Variants in IPO5 observed in about 807,000 individuals in gnomAD.
IPO5 encodes the protein importin-5.
IPO5 carries 18 observed loss-of-function variants against 143.3 expected under a neutral mutation model. The ratio of observed to expected loss-of-function variants is 0.13; its 90% confidence interval spans 0.09 to 0.19. IPO5 has a LOEUF of 0.19. Ranked by LOEUF, IPO5 falls within the 10% of genes least tolerant of loss-of-function variation. The probability of loss-of-function intolerance (pLI) is 1.00; values close to 1 mark genes in which losing one functional copy is unlikely to be tolerated. For synonymous variants in IPO5, 477 were observed against 465.7 expected, an observed-to-expected ratio of 1.02 and a Z score of -0.31; for missense variants, 1,013 against 1,336.9, an observed-to-expected ratio of 0.76 and a Z score of 3.78.
At chr13:98,008,768 A>T (rs1411620160) in intron 18 of IPO5, among the ~76,000 whole-genome samples, 1 of 152,218 alleles carries the variant, frequency 6.6e-6, no homozygotes, top group Non-Finnish European at 1.5e-5. Context: ...GGCAGTTCCA[A>T]CACTGTTATA....
In IPO5 at chr13:97,976,760, G is replaced by A. The variant is rs1278923558; in HGVS notation, c.64G>A (p.Asp22Asn). The A allele has an allele frequency of 1.4e-6, 2 of 1,412,186 alleles. No individual in the cohort carries two copies. The highest frequency in any genetic ancestry group is 3.7e-5 in the East Asian group (1 of 27,012). 87.5% of individuals were successfully genotyped at this position (1,412,186 alleles called of 1,614,324 possible). Reference sequence around the variant, plus strand: ...GCTCCTGGGAAACCTGCTCAGCCCCGACAATGTGGTCCGGAAACAGGCAGA... The same window carrying A: ...GCTCCTGGGAAACCTGCTCAGCCCCAACAATGTGGTCCGGAAACAGGCAGA... ...YLLLGNLLSP[D>N]NVVRKQAEET... Residue 22 changes from aspartate (D) to asparagine (N), a missense_variant, in exon 4 of 29, where the codon GAC (aspartate) becomes AAC (asparagine). By Grantham distance (23) the Asp-to-Asn change is conservative. Coordinates refer to ENST00000651721, the MANE Select transcript of IPO5 (RefSeq NM_002271.6).
At chr13:97,960,760 T>A (rs1884806488) in intron 2 of IPO5, among the ~76,000 whole-genome samples, 2 of 152,202 alleles carry the variant, frequency 1.3e-5, no homozygotes, top group South Asian at 4.2e-4. Flanking sequence ...CGTTTCACCA[T>A]GTTGGTCAAG....
intron 3 of IPO5, among the ~76,000 whole-genome samples, chr13:97,976,232 G>T (rs1311597560): frequency 6.6e-6 from 1 of 150,948 alleles, no homozygotes; most frequent in Non-Finnish European, 1.5e-5. Flanking sequence ...CCGCCGGCCG[G>T]CTCCTCCCGC....
chr13:97,953,772 A>C (rs994144108), intron 1 of IPO5, 56 bp downstream of exon 1: 1 of 367,874 alleles, frequency 2.7e-6, no homozygotes, highest in African/African-American at 2.1e-5. Flanking sequence ...TTTCATCTGC[A>C]CTGAGGAACA....
intron 5 of IPO5, among the ~76,000 whole-genome samples, chr13:97,983,349 C>T (rs1887018101): frequency 6.6e-6 from 1 of 152,120 alleles, no homozygotes; most frequent in South Asian, 2.1e-4. Flanking sequence ...TAAAGATATA[C>T]TTAGGAACAG....
In IPO5 at chr13:98,014,048, G is replaced by C; in HGVS notation, c.2159G>C (p.Arg720Pro). The C allele has an allele frequency of 6.2e-7, 1 of 1,607,268 alleles. No homozygotes were observed. Among genetic ancestry groups the C allele is most frequent in the Non-Finnish European group, 8.5e-7 (1 of 1,178,090 alleles). ...LLKFYFHDGV[R>P]VAAAESMPLL... ...GGTTCCTTAACAATGAAACGTGTTC[G>C]AGTGGCAGCAGCGGAATCCATGCCT... Residue 720 changes from arginine to proline, a missense_variant, in exon 22 of 29, where the codon CGA becomes CCA. Arg to Pro is a moderately radical substitution (Grantham distance 103). Around this residue, in one of 2 missense-constraint regions of IPO5, gnomAD observed 685 missense variants for 994.9 expected, o/e 0.69. Coordinates refer to ENST00000651721, the MANE Select transcript of IPO5 (RefSeq NM_002271.6).
chr13:97,993,616 G>A (rs993131576), intron 11 of IPO5, among the ~76,000 whole-genome samples: 1 of 152,142 alleles, frequency 6.6e-6, no homozygotes, highest in East Asian at 1.9e-4. Context: ...AGAAGAACAA[G>A]GTCTAACACT....
At chr13:97,988,914 C>A in intron 6 of IPO5, 148 bp from the exon 7 acceptor site, 1 of 463,140 alleles carries the variant, frequency 2.2e-6, no homozygotes, top group South Asian at 3.4e-5. Flanking sequence ...GGCTAAAGGA[C>A]AGAATTTTGT....
chr13:97,955,960 G>A (rs547352011), intron 2 of IPO5, among the ~76,000 whole-genome samples: 3 of 151,932 alleles, frequency 2.0e-5, no homozygotes, highest in South Asian at 2.1e-4. Context: ...GTGAAACCCC[G>A]TCTCTACTAA....
chr13:98,005,156 CA>C (rs1192961016), intron 16 of IPO5, among the ~76,000 whole-genome samples: 1 of 150,118 alleles, frequency 6.7e-6, no homozygotes, highest in Non-Finnish European at 1.5e-5. Context: ...CTGGGCCTCC[CA>C]AAGTGCTGGG....
intron 4 of IPO5, chr13:97,981,487 G>A (rs1886843893): frequency 7.6e-6 from 2 of 262,974 alleles, no homozygotes; most frequent in Non-Finnish European, 7.4e-6. Context: ...GTTTAAGCTA[G>A]ATGTGGATTC....
In IPO5 at chr13:98,018,569, A is replaced by C; in HGVS notation, c.2701A>C (p.Lys901Gln). 2 of 1,614,088 alleles carry C rather than the reference A, an allele frequency of 1.2e-6. No homozygotes were observed. Among genetic ancestry groups the C allele is most frequent in the East Asian group, 4.5e-5 (2 of 44,878 alleles). Residue 901 changes from lysine (K) to glutamine (Q), a missense_variant, in exon 26 of 29, where the codon AAA becomes CAA. Transcript: ENST00000651721. ...AGAACACTGTAGTCCAGCCTCATTT[A>C]AATACGCAGAATATTTCTTAAGACC... Reference protein sequence around the residue: ...VIEHCSPASFKYAEYFLRPML... With the variant: ...VIEHCSPASFQYAEYFLRPML...
At chr13:98,013,980 T>G in intron 21 of IPO5, 62 bp from the exon 22 acceptor site, 1 of 1,476,816 alleles carries the variant, frequency 6.8e-7, no homozygotes, top group Middle Eastern at 1.8e-4. Context: ...TTTAGTGCAT[T>G]GAACCCTTTA....
intron 2 of IPO5, among the ~76,000 whole-genome samples, chr13:97,960,564 T>G (rs1315905943): frequency 1.3e-5 from 2 of 151,424 alleles, no homozygotes; most frequent in African/African-American, 4.8e-5. Context: ...TTATTTGGTT[T>G]TTTTTTTTTT....
At chr13:97,982,984 C>A (rs1335426868) in intron 5 of IPO5, among the ~76,000 whole-genome samples, 2 of 152,220 alleles carry the variant, frequency 1.3e-5, no homozygotes, top group African/African-American at 4.8e-5. Context: ...AGTTCTCCTG[C>A]CTCAGCTTCC....
intron 2 of IPO5, among the ~76,000 whole-genome samples, chr13:97,956,111 G>A (rs560121587): frequency 6.9e-5 from 10 of 144,722 alleles, no homozygotes; most frequent in Admixed American, 4.9e-4. Context: ...CAGCCTGGGC[G>A]ACAGTGCGAG....
chr13:97,969,175 A>ATATAGTTTTTT (rs1234384302), intron 2 of IPO5, among the ~76,000 whole-genome samples: 1 of 43,896 alleles, frequency 2.3e-5, no homozygotes, highest in Non-Finnish European at 4.0e-5. Flanking sequence ...ATATATATAT[A>ATATAGTTTTTT]TTTTTTTTTT....
In IPO5 at chr13:98,014,047, C is replaced by T; in HGVS notation, c.2158C>T (p.Arg720Ter). The change falls in exon 22 of 29, where the codon CGA becomes TGA. Residue 720 changes from arginine (R) to a stop codon, truncating the protein, a stop_gained. Transcript: ENST00000651721. LOFTEE classifies it high-confidence loss of function. ...AGGTTCCTTAACAATGAAACGTGTTCGAGTGGCAGCAGCGGAATCCATGCC... is the reference window on the plus strand; with the variant it reads ...AGGTTCCTTAACAATGAAACGTGTTTGAGTGGCAGCAGCGGAATCCATGCC... ...LLKFYFHDGV[R>*]VAAAESMPLL... 6.2e-7 allele frequency: 1 copy of T among 1,606,776 alleles called. No individual in the cohort carries two copies. Among genetic ancestry groups the T allele is most frequent in the Non-Finnish European group, 8.5e-7 (1 of 1,177,842 alleles).
At chr13:98,020,279 T>C (rs960164004) in intron 27 of IPO5, among the ~76,000 whole-genome samples, 2 of 152,236 alleles carry the variant, frequency 1.3e-5, no homozygotes, top group African/African-American at 4.8e-5. Flanking sequence ...ATCTAAGCTC[T>C]GTCGCTATTA....
Sources: allele counts gnomAD v4.1 joint callset (sites outside exome capture counted in the v4.1 genomes callset), GRCh38; gene constraint gnomAD v4.1.1; regional missense constraint gnomAD v4.1.1; transcripts MANE v1.5; gene names NCBI Gene and HGNC (gene_info 2026-07-23, HGNC 2026-07-21).